Variants in ASB3 observed in about 807,000 individuals in gnomAD.
ASB3 encodes ankyrin repeat and SOCS box protein 3.
In ASB3, 41 loss-of-function variants were observed where a neutral mutation model predicts 54.5. That is an observed-to-expected ratio of 0.75 (90% CI 0.59 to 0.98). The LOEUF is 0.98. Ranked by LOEUF, ASB3 falls within the 50% of genes least tolerant of loss-of-function variation. The pLI is 0.00. For missense variants in ASB3, 733 were observed against 620.0 expected (o/e 1.18, Z -1.94); for synonymous variants, 266 against 221.2 (o/e 1.20, Z -1.80).
At chr2:53,710,944 G>A (rs1034903153) in intron 7 of ASB3, among the ~76,000 whole-genome samples, 7 of 150,224 alleles carry the variant, frequency 4.7e-5, no homozygotes, top group Middle Eastern at 3.4e-3. Flanking sequence ...TAGGCAACAC[G>A]GCAAACCCTG....
intron 9 of ASB3, among the ~76,000 whole-genome samples, chr2:53,674,921 A>G (rs2103631476): frequency 6.6e-6 from 1 of 152,324 alleles, no homozygotes; most frequent in Admixed American, 6.5e-5. Flanking sequence ...AATGGCCAGT[A>G]TAAAGGAATG....
intron 3 of ASB3, among the ~76,000 whole-genome samples, chr2:53,730,135 T>G (rs191335054): frequency 6.6e-6 from 1 of 152,202 alleles, no homozygotes; most frequent in African/African-American, 2.4e-5. Flanking sequence ...TAAAAAATGT[T>G]GTTAAAGAGA....
chr2:53,758,361 G>T (rs1018359498), intron 2 of ASB3, among the ~76,000 whole-genome samples: 1 of 152,204 alleles, frequency 6.6e-6, no homozygotes, highest in African/African-American at 2.4e-5. Flanking sequence ...TTGATAATTA[G>T]GGCGTATTCC....
chr2:53,739,213 T>C (rs918259185), intron 3 of ASB3, among the ~76,000 whole-genome samples: 28 of 152,222 alleles, frequency 1.8e-4, no homozygotes, highest in African/African-American at 6.8e-4. Context: ...CAAAATATTT[T>C]TGAAAACAGG....
At chr2:53,746,050 A>T (rs969419446) in intron 3 of ASB3, among the ~76,000 whole-genome samples, 5 of 152,196 alleles carry the variant, frequency 3.3e-5, no homozygotes, top group African/African-American at 4.8e-5. Context: ...CTGTAATCCT[A>T]GCACTTTGGG....
intron 3 of ASB3, among the ~76,000 whole-genome samples, chr2:53,744,595 C>T (rs1164945098): frequency 1.3e-5 from 2 of 151,938 alleles, no homozygotes; most frequent in Non-Finnish European, 2.9e-5. Context: ...AAAATGCTTA[C>T]ATGACAATCA....
chr2:53,728,770 A>T lies in ASB3; in HGVS notation c.546T>A (p.Pro182=). 6.2e-7 allele frequency: 1 copy of T among 1,612,726 alleles called. No individual in the cohort carries two copies. Among genetic ancestry groups the T allele is most frequent in the Non-Finnish European group, 8.5e-7 (1 of 1,179,310 alleles). ...KECQDDFGIT[P]LFVAAQYGKL... ...TGCCATACTGAGCAGCCACAAATAA[A>T]GGTGTGATTCCAAAGTCATCCTGGC... The change falls in exon 5 of 10, where the codon CCT becomes CCA. Residue 182 remains proline (P), a synonymous_variant. Transcript: ENST00000263634.
chr2:53,710,419 G>A (rs765822092), intron 7 of ASB3, among the ~76,000 whole-genome samples: 3 of 152,142 alleles, frequency 2.0e-5, no homozygotes, highest in African/African-American at 2.4e-5. Context: ...GCCTCATGAA[G>A]CACCATTATA....
chr2:53,786,423 G>A (rs1295137650), intron 1 of ASB3: 1 of 152,140 alleles, frequency 6.6e-6, no homozygotes, highest in Non-Finnish European at 1.5e-5. Flanking sequence ...ATTCACCTAC[G>A]GGGAGATGGC....
intron 7 of ASB3, among the ~76,000 whole-genome samples, chr2:53,703,736 T>C (rs1227712048): frequency 6.6e-6 from 1 of 152,156 alleles, no homozygotes; most frequent in Admixed American, 6.5e-5. Flanking sequence ...AGTCCACAAA[T>C]AGTAAATTAA....
intron 9 of ASB3, among the ~76,000 whole-genome samples, chr2:53,672,909 C>A (rs917144334): frequency 6.6e-6 from 1 of 152,176 alleles, no homozygotes; most frequent in Non-Finnish European, 1.5e-5. Flanking sequence ...TTTGCCTTAA[C>A]AGCAACAATG....
At chr2:53,752,636 T>A (rs983600999) in intron 2 of ASB3, among the ~76,000 whole-genome samples, 1 of 152,274 alleles carries the variant, frequency 6.6e-6, no homozygotes, top group Non-Finnish European at 1.5e-5. Context: ...CACAATGACC[T>A]GGGCAGCATT....
At chr2:53,707,774 C>A (rs1346538081) in intron 7 of ASB3, among the ~76,000 whole-genome samples, 5 of 151,152 alleles carry the variant, frequency 3.3e-5, no homozygotes, top group Non-Finnish European at 7.4e-5. Flanking sequence ...CCAGCTTGGC[C>A]AACATGGTGA....
chr2:53,673,551 TG>T (rs1686355413), intron 9 of ASB3, among the ~76,000 whole-genome samples: 1 of 152,202 alleles, frequency 6.6e-6, no homozygotes. Flanking sequence ...TAACCATTAG[TG>T]ATCAAGCCAC....
At chr2:53,671,613 G>A (rs1263595047) in intron 9 of ASB3, among the ~76,000 whole-genome samples, 1 of 151,934 alleles carries the variant, frequency 6.6e-6, no homozygotes, top group Non-Finnish European at 1.5e-5. Context: ...TACAAAATTA[G>A]CTTGGCGTGG....
intron 2 of ASB3, among the ~76,000 whole-genome samples, chr2:53,756,712 C>G (rs1324802728): frequency 6.6e-6 from 1 of 152,208 alleles, no homozygotes; most frequent in African/African-American, 2.4e-5. Flanking sequence ...CAACTGCACA[C>G]TCTCTGGTCC....
chr2:53,707,869 C>T (rs776572308), intron 7 of ASB3, among the ~76,000 whole-genome samples: 21 of 146,286 alleles, frequency 1.4e-4, no homozygotes, highest in Non-Finnish European at 2.8e-4. Flanking sequence ...GGCTGACGCA[C>T]GAGAATTGCA....
intron 1 of ASB3, among the ~76,000 whole-genome samples, chr2:53,767,091 G>A (rs1057005427): frequency 2.0e-5 from 3 of 152,138 alleles, no homozygotes; most frequent in Non-Finnish European, 2.9e-5. Flanking sequence ...CTAGAAAAGT[G>A]TACACCCCAA....
chr2:53,704,263 G>A (rs1669646690), intron 7 of ASB3, among the ~76,000 whole-genome samples: 1 of 151,524 alleles, frequency 6.6e-6, no homozygotes, highest in Admixed American at 6.6e-5. Context: ...AGGAGGCTGA[G>A]GCATGAGAAA....
Sources: gnomAD v4.1 joint callset for allele counts (sites outside exome capture counted in the v4.1 genomes callset) on GRCh38, gnomAD v4.1.1 for gene constraint, MANE v1.5 for transcripts, NCBI Gene and HGNC (gene_info 2026-07-23, HGNC 2026-07-21) for gene names.